Variants in ADAMTS9 observed in about 807,000 individuals in gnomAD.
ADAMTS9 encodes the protein ADAM metallopeptidase with thrombospondin type 1 motif 9, also known as A disintegrin and metalloproteinase with thrombospondin motifs 9.
Under a neutral mutation model 257.1 loss-of-function variants are expected in ADAMTS9, and 107 were observed. The ratio of observed to expected loss-of-function variants is 0.42; its 90% CI spans 0.36 to 0.49. The LOEUF is 0.49. ADAMTS9 is among the 20% of genes least tolerant of loss of function. ADAMTS9 has a pLI of 0.03. For synonymous variants in ADAMTS9, 982 were observed against 880.9 expected, an observed-to-expected ratio of 1.11 and a Z score of -2.03; for missense variants, 2,353 against 2,469.1, an observed-to-expected ratio of 0.95 and a Z score of 1.00.
At chr3:64,600,051 C>CTTTTTTT (rs35753372) in intron 26 of ADAMTS9, among the ~76,000 whole-genome samples, 243 of 104,068 alleles carry the variant, frequency 2.3e-3, no homozygotes, top group Non-Finnish European at 3.1e-3. Flanking sequence ...AGTTTCTGTT[C>CTTTTTTT]TTTTTTTTTT....
intron 3 of ADAMTS9, among the ~76,000 whole-genome samples, chr3:64,662,490 G>A (rs569137662): frequency 3.3e-5 from 5 of 152,166 alleles, no homozygotes; most frequent in Middle Eastern, 3.4e-3. Flanking sequence ...ATTATTGAAA[G>A]CGGGGTGCTG....
intron 12 of ADAMTS9, among the ~76,000 whole-genome samples, chr3:64,639,695 T>G (rs570357129): frequency 6.6e-6 from 1 of 152,330 alleles, no homozygotes; most frequent in South Asian, 2.1e-4. Flanking sequence ...CTAATAACTT[T>G]GCTCAATGTA....
chr3:64,576,675 G>A (rs2083857284), intron 28 of ADAMTS9, among the ~76,000 whole-genome samples: 1 of 152,194 alleles, frequency 6.6e-6, no homozygotes, highest in Non-Finnish European at 1.5e-5. Context: ...AAGGAAGAAA[G>A]CGGATGTGGG....
In ADAMTS9 at chr3:64,686,668, A is replaced by G; in HGVS notation, c.416T>C (p.Phe139Ser). ...LGTPGVNQTKFYSEEEAELKH... is the reference protein window; with the variant it reads ...LGTPGVNQTKSYSEEEAELKH... The stretch of plus-strand genomic sequence containing the variant: ...GAGTTCCGCTTCCTCTTCGGAATAA[A>G]ACTTGGTCTGATTCACCCCGGGCGT... Residue 139 changes from phenylalanine to serine, a missense_variant, in exon 2 of 40, where the codon TTT becomes TCT. Transcript: ENST00000498707. The surrounding 1 kb of genome is among the most constrained non-coding windows in gnomAD (Gnocchi z 4.6). 2.5e-6 allele frequency: 4 copies of G among 1,614,198 alleles called. No homozygotes were observed. The highest frequency in any genetic ancestry group is 3.4e-6 in the Non-Finnish European group (4 of 1,180,050).
At chr3:64,642,101 T>G (rs978327675) in intron 11 of ADAMTS9, 108 bp from the exon 12 acceptor site, 27 of 1,265,348 alleles carry the variant, frequency 2.1e-5, no homozygotes, top group Non-Finnish European at 2.8e-5. Context: ...ATGTGTGGGT[T>G]TGAAATGCTG....
chr3:64,628,332 G>T (rs115457032), intron 16 of ADAMTS9, among the ~76,000 whole-genome samples: 2 of 152,190 alleles, frequency 1.3e-5, no homozygotes, highest in African/African-American at 4.8e-5. Context: ...ACTACTTGGA[G>T]GGAGATTGTT....
rs57475223 is a variant in ADAMTS9 at position 64,656,129 on chromosome 3, A to G, written c.970-254T>C. 1.4e-3 allele frequency: 517 copies of G among 369,684 alleles called. 3 individuals carry two copies. The highest frequency in any genetic ancestry group is 9.8e-3 in the African/African-American group (469 of 47,630). The allele number at this position is 369,684 out of a possible 1,614,324, so 22.9% of individuals were successfully genotyped here. A position where few individuals can be genotyped will look rare whatever the true frequency, so the allele number is the denominator to read the frequency against. Reference sequence around the variant, plus strand: ...AAATTGCATTGCCACGTGACTTAACAGTTCTCTGTACCAGAACACTGGATA... The same window carrying G: ...AAATTGCATTGCCACGTGACTTAACGGTTCTCTGTACCAGAACACTGGATA... On this transcript the variant is annotated intron_variant, in intron 4 of 39. Transcript: ENST00000498707.
At chr3:64,662,084 G>C (rs1368132815) in intron 3 of ADAMTS9, among the ~76,000 whole-genome samples, 1 of 151,768 alleles carries the variant, frequency 6.6e-6, no homozygotes, top group Non-Finnish European at 1.5e-5. Context: ...TCTAAGCCCT[G>C]CTTTGGCACC....
chr3:64,570,023 A>G (rs57177991), intron 28 of ADAMTS9, among the ~76,000 whole-genome samples: 24,725 of 152,222 alleles, frequency 0.16, 3,073 homozygotes, highest in East Asian at 0.44. Flanking sequence ...CTCTAGAAGT[A>G]TGCTGATGAC....
intron 28 of ADAMTS9, among the ~76,000 whole-genome samples, chr3:64,584,717 T>C (rs1330720882): frequency 6.6e-6 from 1 of 151,994 alleles, no homozygotes; most frequent in Admixed American, 6.6e-5. Flanking sequence ...TCATCCTGAG[T>C]CCCCAATTGC....
intron 22 of ADAMTS9, among the ~76,000 whole-genome samples, chr3:64,608,258 C>CAAAAAAAAAA (rs57247914): frequency 1.9e-4 from 10 of 53,312 alleles, no homozygotes; most frequent in African/African-American, 4.7e-4. Context: ...AAACTAAAAC[C>CAAAAAAAAAA]AAAAAAAAAA....
At chr3:64,602,440 T>C (rs1251722529) in intron 25 of ADAMTS9, among the ~76,000 whole-genome samples, 1 of 152,118 alleles carries the variant, frequency 6.6e-6, no homozygotes, top group Non-Finnish European at 1.5e-5. Flanking sequence ...ACAACAAAAG[T>C]CAAATCCTAT....
At chr3:64,662,283 C>T (rs924459927) in intron 3 of ADAMTS9, among the ~76,000 whole-genome samples, 6 of 152,044 alleles carry the variant, frequency 3.9e-5, no homozygotes, top group Non-Finnish European at 8.8e-5. Context: ...TTCTGTATTA[C>T]TTTTATCCTT....
In ADAMTS9 at chr3:64,539,402, G is replaced by C. The variant is rs1043354123; in HGVS notation, c.5522-108C>G. On this transcript the variant is annotated intron_variant, in intron 36 of 39. Coordinates refer to ENST00000498707, the MANE Select transcript of ADAMTS9 (RefSeq NM_182920.2). ...ACAGAAGGGAAGAAGAAGAATAAGA[G>C]GGAATGGGAGAGAAAGAAGCAATGT... 9 of 909,106 alleles carry C rather than the reference G, an allele frequency of 9.9e-6. No homozygotes were observed. In the Admixed American group the frequency reaches 1.8e-4, roughly 18 times the overall value. 56.3% of individuals were successfully genotyped at this position (909,106 alleles called of 1,614,324 possible). A position where few individuals can be genotyped will look rare whatever the true frequency, so the allele number is the denominator to read the frequency against.
chr3:64,687,505 C>G lies in ADAMTS9; in HGVS notation c.115+38G>C, dbSNP rs1020345611. ...AGGAGCGAGGACCGGGAGGCGGCGT[C>G]GGGGCCGGCGGGGTCCCGGGGGCCG... On this transcript the variant is annotated intron_variant, in intron 1 of 39. Transcript: ENST00000498707. The surrounding 1 kb of genome is among the most constrained non-coding windows in gnomAD (Gnocchi z 4.4). 2 of 1,473,914 alleles carry G rather than the reference C, an allele frequency of 1.4e-6. No homozygotes were observed. Among genetic ancestry groups the G allele is most frequent in the Admixed American group, 2.2e-5 (1 of 46,282 alleles). The allele number at this position is 1,473,914 out of a possible 1,614,324, so 91.3% of individuals were successfully genotyped here. A position where few individuals can be genotyped will look rare whatever the true frequency, so the allele number is the denominator to read the frequency against.
At chr3:64,615,135 G>C in intron 21 of ADAMTS9, 186 bp downstream of exon 21, 2 of 643,670 alleles carry the variant, frequency 3.1e-6, no homozygotes, top group Non-Finnish European at 5.1e-6. Context: ...GTCACTGGTA[G>C]ACTAGTTACA....
intron 20 of ADAMTS9, 72 bp downstream of exon 20, chr3:64,615,888 A>C: frequency 6.4e-7 from 1 of 1,570,196 alleles, no homozygotes; most frequent in Non-Finnish European, 8.7e-7. Flanking sequence ...TGGGGCTTAC[A>C]CACCTGCAAG....
At chr3:64,600,824 C>T (rs551295497) in intron 26 of ADAMTS9, among the ~76,000 whole-genome samples, 2 of 152,166 alleles carry the variant, frequency 1.3e-5, no homozygotes, top group Non-Finnish European at 1.5e-5. Flanking sequence ...TCAGAAAGTA[C>T]GTCTAATTTA....
intron 21 of ADAMTS9, 115 bp from the exon 22 acceptor site, chr3:64,613,624 C>A: frequency 1.0e-6 from 1 of 991,322 alleles, no homozygotes. Flanking sequence ...CAATCACTCT[C>A]CCATAGCAAT....
Sources: allele counts gnomAD v4.1 joint callset (sites outside exome capture counted in the v4.1 genomes callset), GRCh38; gene constraint gnomAD v4.1.1; non-coding constraint Gnocchi (gnomAD v3.1); transcripts MANE v1.5; gene names NCBI Gene and HGNC (gene_info 2026-07-23, HGNC 2026-07-21).